RCAN1: variants seen among roughly 807,000 people sequenced by gnomAD.
The protein encoded by RCAN1 is regulator of calcineurin 1.
RCAN1 carries 11 observed loss-of-function variants against 22.9 expected under a neutral mutation model. The ratio of observed to expected loss-of-function variants is 0.48; its 90% confidence interval spans 0.30 to 0.79. RCAN1 has a LOEUF of 0.79. Ranked by LOEUF, RCAN1 falls within the 30% of genes least tolerant of loss-of-function variation. The pLI, the probability that RCAN1 is intolerant of heterozygous loss-of-function variation, is 0.06. For synonymous variants in RCAN1, 136 were observed against 142.3 expected, an observed-to-expected ratio of 0.96 and a Z score of 0.32; for missense variants, 291 against 337.8, an observed-to-expected ratio of 0.86 and a Z score of 1.09.
intron 1 of RCAN1, among the ~76,000 whole-genome samples, chr21:34,591,612 C>T (rs1440845710): frequency 1.3e-5 from 2 of 152,180 alleles, no homozygotes; most frequent in Non-Finnish European, 1.5e-5. Context: ...GCTTTGAGTG[C>T]AACTATTTTA....
intron 1 of RCAN1, among the ~76,000 whole-genome samples, chr21:34,584,967 T>C (rs775523654): frequency 6.6e-6 from 1 of 152,272 alleles, no homozygotes; most frequent in African/African-American, 2.4e-5. Context: ...ATTTAATGGA[T>C]ATTACTTCTG....
chr21:34,604,620 T>A (rs890212156), intron 1 of RCAN1, among the ~76,000 whole-genome samples: 1 of 152,234 alleles, frequency 6.6e-6, no homozygotes, highest in Middle Eastern at 3.2e-3. Context: ...TAGAATCACA[T>A]TGAAGAAATG....
intron 3 of RCAN1, chr21:34,521,281 C>T: frequency 6.9e-7 from 1 of 1,445,314 alleles, no homozygotes; most frequent in African/African-American, 1.4e-5. Context: ...TGCAGGGTCC[C>T]CACGATCAGC....
chr21:34,567,384 C>A (rs1335131791), intron 1 of RCAN1, among the ~76,000 whole-genome samples: 2 of 151,946 alleles, frequency 1.3e-5, no homozygotes, highest in Non-Finnish European at 2.9e-5. Flanking sequence ...GTAGTCCCAG[C>A]TACTCGGGAG....
At chr21:34,555,607 A>T (rs8132379) in intron 1 of RCAN1, among the ~76,000 whole-genome samples, 35,466 of 149,678 alleles carry the variant, frequency 0.24, 4,922 homozygotes, top group African/African-American at 0.38. Flanking sequence ...ATAATAATAA[A>T]AAAATAAAAT....
At chr21:34,572,026 C>T (rs1987252000) in intron 1 of RCAN1, among the ~76,000 whole-genome samples, 1 of 152,138 alleles carries the variant, frequency 6.6e-6, no homozygotes, top group African/African-American at 2.4e-5. Context: ...TCCCTTTTAT[C>T]ATTAAGGAGA....
chr21:34,567,257 A>G (rs1987051707), intron 1 of RCAN1, among the ~76,000 whole-genome samples: 1 of 152,232 alleles, frequency 6.6e-6, no homozygotes, highest in African/African-American at 2.4e-5. Flanking sequence ...GCACTTTGGG[A>G]GGCCAAGGCG....
chr21:34,568,139 C>T (rs75402104), intron 1 of RCAN1, among the ~76,000 whole-genome samples: 4,426 of 152,186 alleles, frequency 0.029, 152 homozygotes, highest in East Asian at 0.11. Context: ...GAAGGAAGCC[C>T]GAAGTGCACA....
At chr21:34,566,539 G>A (rs976262580) in intron 1 of RCAN1, among the ~76,000 whole-genome samples, 13 of 145,464 alleles carry the variant, frequency 8.9e-5, no homozygotes, top group African/African-American at 3.1e-4. Flanking sequence ...GGCCTCACCT[G>A]AAGACCCAGG....
At chr21:34,563,764 AAAAAAAAT>A (rs1201274627) in intron 1 of RCAN1, among the ~76,000 whole-genome samples, 32 of 92,690 alleles carry the variant, frequency 3.5e-4, no homozygotes, top group African/African-American at 1.6e-3. Context: ...CAAAAAAAAA[AAAAAAAAT>A]ATATATATAT....
intron 1 of RCAN1, among the ~76,000 whole-genome samples, chr21:34,529,345 G>A (rs928641735): frequency 3.3e-5 from 5 of 152,224 alleles, no homozygotes; most frequent in African/African-American, 1.2e-4. Context: ...CTGAGTAGCA[G>A]GAATCCTTAG....
intron 1 of RCAN1, among the ~76,000 whole-genome samples, chr21:34,577,162 A>G (rs1319074169): frequency 6.6e-6 from 1 of 152,250 alleles, no homozygotes; most frequent in Non-Finnish European, 1.5e-5. Flanking sequence ...AGGGAGAAGC[A>G]AGAGCTGAGA....
intron 1 of RCAN1, among the ~76,000 whole-genome samples, chr21:34,570,641 T>TA (rs1987202461): frequency 8.9e-6 from 1 of 111,766 alleles, no homozygotes; most frequent in African/African-American, 3.3e-5. Flanking sequence ...TAGTGGACTC[T>TA]TTTTTTTTTT....
At chr21:34,596,268 G>A (rs1988148668) in intron 1 of RCAN1, among the ~76,000 whole-genome samples, 1 of 152,192 alleles carries the variant, frequency 6.6e-6, no homozygotes, top group Non-Finnish European at 1.5e-5. Context: ...TATAAGCGGA[G>A]GCCTTCCTGC....
chr21:34,525,100 A>G, intron 1 of RCAN1: 2 of 1,550,574 alleles, frequency 1.3e-6, no homozygotes, highest in Non-Finnish European at 1.7e-6. Flanking sequence ...TGGAGAACCT[A>G]TGGAAGGCGC....
chr21:34,568,182 C>A (rs1336539716), intron 1 of RCAN1, among the ~76,000 whole-genome samples: 1 of 152,204 alleles, frequency 6.6e-6, no homozygotes, highest in Non-Finnish European at 1.5e-5. Context: ...TTCAGCACTG[C>A]AGCTGCCTGG....
At chr21:34,587,329 G>C (rs2123706338) in intron 1 of RCAN1, among the ~76,000 whole-genome samples, 1 of 152,176 alleles carries the variant, frequency 6.6e-6, no homozygotes, top group East Asian at 1.9e-4. Context: ...TCTACACCCA[G>C]ATATCTTTAT....
intron 1 of RCAN1, among the ~76,000 whole-genome samples, chr21:34,569,510 G>C (rs1055476436): frequency 2.0e-5 from 3 of 152,128 alleles, no homozygotes; most frequent in Non-Finnish European, 4.4e-5. Flanking sequence ...ACTTATGATA[G>C]CATCTATGAG....
rs1310190943 is a variant in RCAN1 at position 34,578,864 on chromosome 21, G to A, written c.252+35896C>T. 2.0e-5 allele frequency among the ~76,000 whole-genome samples: 3 copies of A among 152,176 alleles called. No homozygotes were observed. The South Asian group carries it at 6.2e-4, about 32-fold the overall frequency. On this transcript the variant is annotated intron_variant, in intron 1 of 3. Coordinates refer to ENST00000313806, the MANE Select transcript of RCAN1 (RefSeq NM_004414.7). ...GCTGTGGTCACACCATGCCTGGGAA[G>A]AGCGTAGCTGGGTTTCCCATCCCGA...
Sources: gnomAD v4.1 joint callset for allele counts (sites outside exome capture counted in the v4.1 genomes callset) on GRCh38, gnomAD v4.1.1 for gene constraint, MANE v1.5 for transcripts, NCBI Gene and HGNC (gene_info 2026-07-23, HGNC 2026-07-21) for gene names.